Variants in WWOX observed in about 807,000 individuals in gnomAD.
WWOX encodes the protein WW domain containing oxidoreductase.
In WWOX, 69 loss-of-function variants were observed where a neutral mutation model predicts 46.2. The ratio of observed to expected loss-of-function variants is 1.49; its 90% CI spans 1.23 to 1.82. The LOEUF is 1.82. Ranked by LOEUF, WWOX falls within the 40% of genes most tolerant of loss-of-function variation. The pLI is 0.00. For missense variants in WWOX, 919 were observed against 542.6 expected (o/e 1.69, Z -6.89); for synonymous variants, 359 against 202.6 (o/e 1.77, Z -6.56).
At chr16:78,534,692 CTT>C (rs2043714829) in intron 8 of WWOX, 1 of 151,844 alleles carries the variant, frequency 6.6e-6, no homozygotes, top group Non-Finnish European at 1.5e-5. Context: ...TGCAATATTG[CTT>C]TACATCTTTT....
At chr16:79,104,980 C>A (rs561466276) in intron 8 of WWOX, among the ~76,000 whole-genome samples, 5 of 152,256 alleles carry the variant, frequency 3.3e-5, no homozygotes, top group African/African-American at 1.2e-4. Context: ...GTCCGCCACC[C>A]CAATTTCCTC....
chr16:78,721,328 TATC>T (rs1235194166), intron 8 of WWOX, among the ~76,000 whole-genome samples: 9 of 152,256 alleles, frequency 5.9e-5, no homozygotes, highest in Admixed American at 5.2e-4. Context: ...GCTTTAAAGA[TATC>T]ATAATACCAT....
intron 6 of WWOX, among the ~76,000 whole-genome samples, chr16:78,403,020 C>G (rs764123108): frequency 2.6e-5 from 4 of 152,198 alleles, no homozygotes; most frequent in African/African-American, 7.2e-5. Context: ...AACATGGAAT[C>G]TTTCAGGTCT....
chr16:78,156,610 C>T (rs1180997328), intron 4 of WWOX, among the ~76,000 whole-genome samples: 1 of 152,118 alleles, frequency 6.6e-6, no homozygotes, highest in African/African-American at 2.4e-5. Flanking sequence ...GCTCAAGGAG[C>T]TTACCTGAGA....
chr16:78,932,207 C>G (rs2045638213), intron 8 of WWOX, among the ~76,000 whole-genome samples: 2 of 152,196 alleles, frequency 1.3e-5, no homozygotes, highest in African/African-American at 4.8e-5. Flanking sequence ...GGAGGGGTAG[C>G]TCTTTTTCTA....
chr16:79,138,638 C>A (rs2050029095), intron 8 of WWOX, among the ~76,000 whole-genome samples: 1 of 152,290 alleles, frequency 6.6e-6, no homozygotes, highest in East Asian at 1.9e-4. Flanking sequence ...TTTAACCCAA[C>A]ACTTAGAGGG....
rs533819345 is a variant in WWOX at position 79,052,495 on chromosome 16, C to T, written c.1057-159113C>T. Among the ~76,000 whole-genome samples the T allele has an allele frequency of 1.7e-3, 258 of 152,292 alleles. 2 individuals carry two copies. Among genetic ancestry groups the T allele is most frequent in the African/African-American group, 5.1e-3 (210 of 41,562 alleles). On this transcript the variant is annotated intron_variant, in intron 8 of 8. Transcript: ENST00000566780. ...GACACATGCACACATATGTTTATTG[C>T]GGCATTATTCACAATAGCAAAGACT...
rs111460769 is a variant in WWOX, at chr16:78,467,329, A to T, written c.1056+34577A>T. On this transcript the variant is annotated intron_variant, in intron 8 of 8. Transcript: ENST00000566780. ...ATACACACAGTCTATATATACATGT[A>T]TGCGCACATACACATATTTTAAGGA... Among the ~76,000 whole-genome samples the T allele has an allele frequency of 4.1e-3, 631 of 152,288 alleles. 2 individuals are homozygous for T. Among genetic ancestry groups the T allele is most frequent in the African/African-American group, 0.014 (579 of 41,564 alleles).
At chr16:78,997,121 A>G (rs1230818200) in intron 8 of WWOX, among the ~76,000 whole-genome samples, 1 of 151,246 alleles carries the variant, frequency 6.6e-6, no homozygotes, top group African/African-American at 2.4e-5. Context: ...ATGTAGACAT[A>G]TGTTCGAGTG....
intron 4 of WWOX, chr16:78,118,909 T>C (rs1352620619): frequency 6.6e-6 from 1 of 152,128 alleles, no homozygotes; most frequent in African/African-American, 2.4e-5. Context: ...GAATGTTGCC[T>C]CCTCAGAAAC....
At chr16:78,867,529 T>A (rs2044031817) in intron 8 of WWOX, among the ~76,000 whole-genome samples, 1 of 151,362 alleles carries the variant, frequency 6.6e-6, no homozygotes, top group Non-Finnish European at 1.5e-5. Context: ...TGTGTTTTGT[T>A]TTTTTGTGTG....
chr16:78,331,772 A>T (rs192588429), intron 5 of WWOX, among the ~76,000 whole-genome samples: 80 of 152,338 alleles, frequency 5.3e-4, no homozygotes, highest in Middle Eastern at 3.4e-3. Flanking sequence ...GTATTTTACG[A>T]AGTGCCAGTT....
intron 8 of WWOX, among the ~76,000 whole-genome samples, chr16:78,859,000 T>TA (rs2052638771): frequency 3.8e-5 from 3 of 79,864 alleles, no homozygotes; most frequent in South Asian, 5.4e-4. Context: ...GTTTTGAAAT[T>TA]TAAAAAAAAA....
Position 78,927,205 on chromosome 16 carries a change from T to C in WWOX, c.1057-284403T>C, listed in dbSNP as rs1597161142. On this transcript the variant is annotated intron_variant, in intron 8 of 8. Transcript: ENST00000566780. ...GAGGAGAGAATGAGGTATGTGGTACTCGTGAGCAGGATTTTCAATGCCTGG... is the reference window on the plus strand; with the variant it reads ...GAGGAGAGAATGAGGTATGTGGTACCCGTGAGCAGGATTTTCAATGCCTGG... Among the ~76,000 whole-genome samples the C allele has an allele frequency of 3.3e-5, 5 of 152,228 alleles. 1 individual carries two copies. The highest frequency in any genetic ancestry group is 3.3e-4 in the Admixed American group (5 of 15,290).
chr16:78,293,109 C>T (rs2079886085), intron 5 of WWOX, among the ~76,000 whole-genome samples: 1 of 152,160 alleles, frequency 6.6e-6, no homozygotes, highest in Admixed American at 6.5e-5. Flanking sequence ...CATATTCTTC[C>T]TGGATTTTGG....
At chr16:78,444,563 C>T (rs11861120) in intron 8 of WWOX, among the ~76,000 whole-genome samples, 6,444 of 146,332 alleles carry the variant, frequency 0.044, 261 homozygotes, top group South Asian at 0.14. Context: ...TGGAGTCTCA[C>T]TCTGTCACCA....
chr16:78,365,942 A>G (rs1379325264), intron 5 of WWOX, among the ~76,000 whole-genome samples: 1 of 152,154 alleles, frequency 6.6e-6, no homozygotes, highest in Non-Finnish European at 1.5e-5. Flanking sequence ...TATGAACTGG[A>G]CAGAAGTATT....
intron 8 of WWOX, among the ~76,000 whole-genome samples, chr16:78,639,597 C>G (rs576397346): frequency 6.6e-6 from 1 of 151,790 alleles, no homozygotes; most frequent in East Asian, 1.9e-4. Flanking sequence ...CAGTTTCACT[C>G]TTGTTGCACA....
chr16:78,922,973 C>CTCT (rs1567651631), intron 8 of WWOX, among the ~76,000 whole-genome samples: 2 of 60,454 alleles, frequency 3.3e-5, no homozygotes, highest in Admixed American at 2.2e-4. Flanking sequence ...AGGCATAATT[C>CTCT]TTTCTCTTTT....
Sources: gnomAD v4.1 joint callset for allele counts (sites outside exome capture counted in the v4.1 genomes callset) on GRCh38, gnomAD v4.1.1 for gene constraint, MANE v1.5 for transcripts, NCBI Gene and HGNC (gene_info 2026-07-23, HGNC 2026-07-21) for gene names.